Variants in CDH13 observed in about 807,000 individuals in gnomAD.
CDH13 encodes the protein cadherin-13.
In CDH13, 24 loss-of-function variants were observed where a neutral mutation model predicts 63.8. That is an observed-to-expected ratio of 0.38 (90% CI 0.27 to 0.53). CDH13 has a LOEUF of 0.53. Among genes scored for constraint, CDH13 ranks in the 20% least tolerant of loss-of-function variants. The probability of loss-of-function intolerance (pLI) is 0.85; values close to 1 mark genes in which losing one functional copy is unlikely to be tolerated. For synonymous variants in CDH13, 503 were observed against 355.3 expected (o/e 1.42, Z -4.67); for missense variants, 1,049 against 903.1 (o/e 1.16, Z -2.07).
chr16:83,049,144 C>G (rs934361364), intron 3 of CDH13, among the ~76,000 whole-genome samples: 1 of 152,160 alleles, frequency 6.6e-6, no homozygotes, highest in Non-Finnish European at 1.5e-5. Context: ...TACTTAATTA[C>G]TTTCTAATGT....
intron 2 of CDH13, among the ~76,000 whole-genome samples, chr16:82,916,834 A>G (rs2042006236): frequency 1.3e-5 from 2 of 152,360 alleles, no homozygotes; most frequent in South Asian, 4.1e-4. Context: ...GTTGTGGAAT[A>G]TATAGCATTT....
intron 11 of CDH13, among the ~76,000 whole-genome samples, chr16:83,752,863 G>T (rs959746008): frequency 6.6e-6 from 1 of 152,208 alleles, no homozygotes; most frequent in Non-Finnish European, 1.5e-5. Flanking sequence ...CCACCCAGGT[G>T]GGGGTTTCAG....
chr16:82,704,131 A>G (rs1418929273), intron 1 of CDH13, among the ~76,000 whole-genome samples: 1 of 152,158 alleles, frequency 6.6e-6, no homozygotes, highest in African/African-American at 2.4e-5. Context: ...CTAAAACTGC[A>G]AGCCACAGAC....
At chr16:83,606,692 A>G (rs916022977) in intron 8 of CDH13, among the ~76,000 whole-genome samples, 2 of 149,700 alleles carry the variant, frequency 1.3e-5, no homozygotes, top group Non-Finnish European at 3.0e-5. Context: ...ACACCACTGC[A>G]CTCCAGCCTG....
At chr16:82,986,941 G>A (rs1307716537) in intron 2 of CDH13, among the ~76,000 whole-genome samples, 1 of 152,208 alleles carries the variant, frequency 6.6e-6, no homozygotes, top group Non-Finnish European at 1.5e-5. Context: ...TATGGAAAGG[G>A]AACAGAAAAC....
intron 8 of CDH13, among the ~76,000 whole-genome samples, chr16:83,670,371 T>A (rs1017449218): frequency 1.3e-5 from 2 of 151,982 alleles, no homozygotes; most frequent in East Asian, 3.8e-4. Context: ...AGGACAGGTG[T>A]TCTTGGCCAC....
chr16:83,193,331 A>G (rs531776092), intron 4 of CDH13, among the ~76,000 whole-genome samples: 1 of 152,208 alleles, frequency 6.6e-6, no homozygotes, highest in East Asian at 1.9e-4. Context: ...GAGGTTTAGT[A>G]ATGTGTTCTC....
At chr16:83,071,273 C>T (rs914288140) in intron 3 of CDH13, among the ~76,000 whole-genome samples, 1 of 152,170 alleles carries the variant, frequency 6.6e-6, no homozygotes, top group South Asian at 2.1e-4. Context: ...CCTCCTTCAG[C>T]AGCGTATTAT....
intron 10 of CDH13, among the ~76,000 whole-genome samples, chr16:83,681,372 C>A (rs1443306529): frequency 6.6e-6 from 1 of 152,170 alleles, no homozygotes; most frequent in East Asian, 1.9e-4. Context: ...GATGGCAGGA[C>A]CAATCCCTTT....
chr16:83,794,201 G>A (rs551701823), intron 13 of CDH13, among the ~76,000 whole-genome samples: 2 of 152,292 alleles, frequency 1.3e-5, no homozygotes, highest in South Asian at 2.1e-4. Flanking sequence ...GAATAGATTC[G>A]TGTTGTTTGC....
chr16:83,140,171 C>A (rs1325618562), intron 4 of CDH13, among the ~76,000 whole-genome samples: 3 of 152,330 alleles, frequency 2.0e-5, no homozygotes, highest in Admixed American at 2.0e-4. Context: ...TAACAGTTAA[C>A]ATTCCAACAA....
At chr16:83,014,818 ATATATATATTTGTATATATATTTG>A (rs1252017916) in intron 2 of CDH13, among the ~76,000 whole-genome samples, 10 of 74,252 alleles carry the variant, frequency 1.3e-4, no homozygotes, top group Non-Finnish European at 2.0e-4. Context: ...ATATATTTGT[ATATATATATTTGTATATATATTTG>A]TATATATATA....
At chr16:83,328,632 A>G (rs1008965165) in intron 5 of CDH13, among the ~76,000 whole-genome samples, 7 of 152,176 alleles carry the variant, frequency 4.6e-5, no homozygotes, top group Admixed American at 4.6e-4. Flanking sequence ...GAAGGTAACC[A>G]GCAGATGATG....
intron 3 of CDH13, among the ~76,000 whole-genome samples, chr16:83,122,101 A>T (rs1056676400): frequency 6.6e-6 from 1 of 152,198 alleles, no homozygotes; most frequent in African/African-American, 2.4e-5. Flanking sequence ...GATGATGCAG[A>T]AGACAGTTTT....
chr16:83,064,985 A>G (rs1480513688), intron 3 of CDH13, among the ~76,000 whole-genome samples: 1 of 152,060 alleles, frequency 6.6e-6, no homozygotes, highest in African/African-American at 2.4e-5. Flanking sequence ...TTGCACTCTT[A>G]GCTAAAAAAA....
intron 3 of CDH13, among the ~76,000 whole-genome samples, chr16:83,035,220 G>C (rs772649081): frequency 1.3e-5 from 2 of 152,142 alleles, no homozygotes; most frequent in African/African-American, 2.4e-5. Context: ...CAGCCAAGTG[G>C]GCCAGCTGCT....
intron 1 of CDH13, among the ~76,000 whole-genome samples, chr16:82,705,667 C>A (rs932556168): frequency 6.6e-6 from 1 of 152,052 alleles, no homozygotes; most frequent in South Asian, 2.1e-4. Context: ...GTATTTCATT[C>A]AAAACTAGTC....
chr16:82,729,093 C>G (rs1172193701), intron 1 of CDH13, among the ~76,000 whole-genome samples: 5 of 152,160 alleles, frequency 3.3e-5, no homozygotes, highest in African/African-American at 1.2e-4. Flanking sequence ...TCCACCACAT[C>G]TGCCGTTACT....
chr16:83,164,199 T>A (rs1375842501), intron 4 of CDH13, among the ~76,000 whole-genome samples: 1 of 152,094 alleles, frequency 6.6e-6, no homozygotes, highest in African/African-American at 2.4e-5. Context: ...TCATAGGTAA[T>A]CCTCTGTCAA....
Sources: gnomAD v4.1 joint callset for allele counts (sites outside exome capture counted in the v4.1 genomes callset) on GRCh38, gnomAD v4.1.1 for gene constraint, MANE v1.5 for transcripts, NCBI Gene and HGNC (gene_info 2026-07-23, HGNC 2026-07-21) for gene names.